Variants in TTLL5 observed in about 807,000 individuals in gnomAD.
TTLL5 encodes tubulin polyglutamylase TTLL5.
A neutral mutation model predicts 168.4 loss-of-function variants in TTLL5; 132 were observed. That is an observed-to-expected ratio of 0.78 (90% CI 0.68 to 0.91). The LOEUF is 0.91. Ranked by LOEUF, TTLL5 falls within the 40% of genes least tolerant of loss-of-function variation. The pLI, the probability that TTLL5 is intolerant of heterozygous loss-of-function variation, is 0.00. For missense variants in TTLL5, 1,545 were observed against 1,581.5 expected (o/e 0.98, Z 0.39); for synonymous variants, 546 against 558.6 (o/e 0.98, Z 0.32).
rs142112640 is a variant in TTLL5 at position 75,810,337 on chromosome 14, T to TTC, written c.3172-9652_3172-9651dup. ...TTAAGCTCTTATTAACTAAATCATC[T>TTC]TCTCTCTCTCTCTCTCTCTGTTTTT... On this transcript the variant is annotated intron_variant, in intron 27 of 31. Transcript: ENST00000298832. Among the ~76,000 whole-genome samples the TTC allele has an allele frequency of 8.7e-4, 131 of 150,146 alleles. 1 individual carries two copies. In the South Asian group the frequency reaches 0.016, roughly 18 times the overall value.
intron 17 of TTLL5, among the ~76,000 whole-genome samples, chr14:75,751,842 T>C (rs569661670): frequency 6.6e-6 from 1 of 152,304 alleles, no homozygotes; most frequent in African/African-American, 2.4e-5. Flanking sequence ...AAAGCAAGTT[T>C]ATTAACAAAG....
intron 9 of TTLL5, among the ~76,000 whole-genome samples, chr14:75,716,089 C>G (rs2140193491): frequency 6.6e-6 from 1 of 152,226 alleles, no homozygotes; most frequent in Admixed American, 6.5e-5. Context: ...CACGGGGCCC[C>G]TTTGCATCTC....
At chr14:75,855,967 C>CT (rs1221998550) in intron 28 of TTLL5, among the ~76,000 whole-genome samples, 1 of 152,146 alleles carries the variant, frequency 6.6e-6, no homozygotes, top group Non-Finnish European at 1.5e-5. Context: ...AAGACCAATC[C>CT]TTAGAAGGCC....
chr14:75,738,310 A>G lies in TTLL5; in HGVS notation c.1281+3021A>G, dbSNP rs188379449. 1.5e-4 allele frequency among the ~76,000 whole-genome samples: 23 copies of G among 152,326 alleles called. No homozygotes were observed. In the East Asian group the frequency reaches 4.4e-3, roughly 29 times the overall value. On this transcript the variant is annotated intron_variant, in intron 15 of 31. Transcript: ENST00000298832. ...ATGCTTTAGTATGAGGGATATAGAT[A>G]TTCTCATATATAAACGTGTCACTGC... is the stretch of plus-strand genomic sequence containing the variant.
chr14:75,739,416 T>A (rs1889111190), intron 15 of TTLL5, among the ~76,000 whole-genome samples: 1 of 152,054 alleles, frequency 6.6e-6, no homozygotes, highest in African/African-American at 2.4e-5. Flanking sequence ...AAAAAAAAAA[T>A]TTCTTTGTTC....
At chr14:75,903,196 G>A (rs1343756099) in intron 31 of TTLL5, among the ~76,000 whole-genome samples, 1 of 152,088 alleles carries the variant, frequency 6.6e-6, no homozygotes, top group African/African-American at 2.4e-5. Flanking sequence ...GTAAGCAGTG[G>A]GGCATATTTG....
chr14:75,930,703 T>A, intron 31 of TTLL5: 1 of 949,938 alleles, frequency 1.1e-6, no homozygotes, highest in Non-Finnish European at 1.3e-6. Context: ...ACTTTTATGG[T>A]TCTGAGAGAA....
At position 75,906,057 on chromosome 14, in the gene TTLL5, A is replaced by G. The variant is rs116997780; in HGVS notation, c.3823+3833A>G. ...GTGCTTTTTGGATGGGGATGGGGCA[A>G]CAGCACATCAGTGTGACTCTGACTG... On this transcript the variant is annotated intron_variant, in intron 31 of 31. Transcript: ENST00000298832. Among the ~76,000 whole-genome samples the G allele has an allele frequency of 3.0e-4, 46 of 152,316 alleles. No homozygotes were observed. In the East Asian group the frequency reaches 8.1e-3, roughly 27 times the overall value.
intron 29 of TTLL5, among the ~76,000 whole-genome samples, chr14:75,880,138 GGA>G (rs58469251): frequency 6.6e-5 from 10 of 150,448 alleles, no homozygotes; most frequent in Admixed American, 2.0e-4. Context: ...GCAGATACTA[GGA>G]GAGAGAGAGA....
intron 3 of TTLL5, among the ~76,000 whole-genome samples, chr14:75,679,761 A>T (rs1010682682): frequency 2.0e-5 from 3 of 152,208 alleles, no homozygotes; most frequent in African/African-American, 7.2e-5. Flanking sequence ...ATTCCCACAC[A>T]TGATTCTGCA....
chr14:75,901,407 G>A (rs990906713), intron 30 of TTLL5, among the ~76,000 whole-genome samples: 16 of 152,006 alleles, frequency 1.1e-4, no homozygotes, highest in Admixed American at 9.2e-4. Context: ...TAGGATTTCT[G>A]AGACATATGG....
At chr14:75,812,333 A>G (rs891073192) in intron 27 of TTLL5, among the ~76,000 whole-genome samples, 3 of 152,202 alleles carry the variant, frequency 2.0e-5, no homozygotes, top group African/African-American at 7.2e-5. Flanking sequence ...TCCCACAGGC[A>G]GTTACTCACT....
At chr14:75,771,013 A>G (rs1371183279) in intron 20 of TTLL5, among the ~76,000 whole-genome samples, 2 of 152,360 alleles carry the variant, frequency 1.3e-5, no homozygotes, top group South Asian at 2.1e-4. Flanking sequence ...TTGCTTTTGT[A>G]CTAACTGATA....
rs1307311931 is a variant in TTLL5 at position 75,819,990 on chromosome 14, C to T, written c.3172-17C>T. On this transcript the variant is annotated splice_polypyrimidine_tract_variant and intron_variant, in intron 27 of 31. Coordinates refer to ENST00000298832, the MANE Select transcript of TTLL5 (RefSeq NM_015072.5). ...AAACTCTGTAAAGTCAGGTTATTTC[C>T]CTCGCTTTATTTCTAGGTAACAAAC... is the stretch of plus-strand genomic sequence containing the variant. 1.3e-6 allele frequency: 2 copies of T among 1,582,108 alleles called. No individual in the cohort carries two copies. Among genetic ancestry groups the T allele is most frequent in the Non-Finnish European group, 8.6e-7 (1 of 1,167,298 alleles).
At chr14:75,800,134 C>G (rs1433914771) in intron 27 of TTLL5, among the ~76,000 whole-genome samples, 1 of 152,158 alleles carries the variant, frequency 6.6e-6, no homozygotes, top group Non-Finnish European at 1.5e-5. Context: ...AACATAATCC[C>G]AAACTTCTTG....
chr14:75,801,150 C>A (rs763820129), intron 27 of TTLL5, among the ~76,000 whole-genome samples: 1 of 152,114 alleles, frequency 6.6e-6, no homozygotes, highest in Non-Finnish European at 1.5e-5. Flanking sequence ...CAGGTTGGGG[C>A]AGAGTTAGGC....
At chr14:75,748,586 T>C (rs938215062) in intron 17 of TTLL5, among the ~76,000 whole-genome samples, 2 of 152,256 alleles carry the variant, frequency 1.3e-5, no homozygotes, top group Non-Finnish European at 2.9e-5. Flanking sequence ...CTGGTGCCAC[T>C]CATTTCAGAT....
At chr14:75,852,305 A>C (rs1896902632) in intron 28 of TTLL5, among the ~76,000 whole-genome samples, 1 of 152,178 alleles carries the variant, frequency 6.6e-6, no homozygotes, top group Non-Finnish European at 1.5e-5. Context: ...CCAGCACCCA[A>C]AACCTTTTAT....
chr14:75,775,710 C>T (rs1210084337), intron 22 of TTLL5, 80 bp downstream of exon 22: 10 of 1,514,266 alleles, frequency 6.6e-6, no homozygotes, highest in Non-Finnish European at 9.0e-6. Context: ...CTCTGTCCAA[C>T]TGGATGGAGA....
Sources: allele counts gnomAD v4.1 joint callset (sites outside exome capture counted in the v4.1 genomes callset), GRCh38; gene constraint gnomAD v4.1.1; transcripts MANE v1.5; gene names NCBI Gene and HGNC (gene_info 2026-07-23, HGNC 2026-07-21).